ADGRF1: variants seen among roughly 807,000 people sequenced by gnomAD.
The protein encoded by ADGRF1 is adhesion G protein-coupled receptor F1.
ADGRF1 carries 85 observed loss-of-function variants against 87.2 expected under a neutral mutation model. The observed-to-expected ratio is 0.97, with a 90% CI of 0.82 to 1.17. The LOEUF (loss-of-function observed/expected upper bound fraction) is 1.17. Among genes scored for constraint, ADGRF1 ranks in the 50% most tolerant of loss-of-function variants. The probability of loss-of-function intolerance (pLI) is 0.00; values close to 1 mark genes in which losing one functional copy is unlikely to be tolerated. For synonymous variants in ADGRF1, 430 were observed against 408.8 expected (o/e 1.05, Z -0.63); for missense variants, 1,169 against 1,077.2 (o/e 1.09, Z -1.19).
At position 47,020,063 on chromosome 6, in the gene ADGRF1, G is replaced by A. The variant is rs374390132; in HGVS notation, c.611+668C>T. The A allele has an allele frequency of 6.1e-5, 61 of 1,000,414 alleles. No homozygotes were observed. In the African/African-American group the frequency reaches 6.9e-4, roughly 11 times the overall value. 62.0% of individuals were successfully genotyped at this position (1,000,414 alleles called of 1,614,324 possible). A position where few individuals can be genotyped will look rare whatever the true frequency, so the allele number is the denominator to read the frequency against. ...GAGAAAATCCACCCTTCGACAACCC[G>A]CAACCCTTATCCCCAACCCTCACTT... On this transcript the variant is annotated intron_variant, in intron 7 of 14. Coordinates refer to ENST00000371253, the MANE Select transcript of ADGRF1 (RefSeq NM_153840.4).
chr6:47,006,222 G>A (rs1369859157), intron 12 of ADGRF1, among the ~76,000 whole-genome samples: 1 of 152,072 alleles, frequency 6.6e-6, no homozygotes, highest in Non-Finnish European at 1.5e-5. Context: ...ATTAAGAACA[G>A]CAAATTGCTT....
rs756336173 is a variant in ADGRF1, at chr6:47,010,027, G to A, written c.1408C>T (p.Gln470Ter). The change falls in exon 11 of 15, where the codon CAA becomes TAA. Residue 470 changes from glutamine (Q) to a stop codon, truncating the protein, a stop_gained. Coordinates refer to ENST00000371253, the MANE Select transcript of ADGRF1 (RefSeq NM_153840.4). LOFTEE classifies it high-confidence loss of function. ...IRGRVLIGSD[Q>*]FQRSLPETII... The stretch of plus-strand genomic sequence containing the variant: ...GTTTCTGGAAGGGATCTCTGGAATT[G>A]GTCTGACCCAATTAACACACGGCCT... The A allele has an allele frequency of 6.2e-7, 1 of 1,614,084 alleles. No individual in the cohort carries two copies. Among genetic ancestry groups the A allele is most frequent in the Non-Finnish European group, 8.5e-7 (1 of 1,180,006 alleles).
chr6:47,037,639 G>T (rs912938022), intron 1 of ADGRF1, among the ~76,000 whole-genome samples: 1 of 151,836 alleles, frequency 6.6e-6, no homozygotes, highest in African/African-American at 2.4e-5. Flanking sequence ...TGGGTGGCTG[G>T]GACTATAGGC....
chr6:47,033,569 TG>T (rs142147906), intron 1 of ADGRF1, among the ~76,000 whole-genome samples: 137 of 152,392 alleles, frequency 9.0e-4, no homozygotes, highest in East Asian at 7.7e-4. Context: ...CCAGTAGAGC[TG>T]TCTCTTTCCT....
chr6:47,012,949 C>A (rs1479745333), intron 9 of ADGRF1: 3 of 604,094 alleles, frequency 5.0e-6, no homozygotes, highest in Non-Finnish European at 6.2e-6. Context: ...GTTTTTGTAT[C>A]CTTAGTAGAA....
In ADGRF1 at chr6:47,005,612, C is replaced by A. The variant is rs560803821; in HGVS notation, c.2592+205G>T. On this transcript the variant is annotated intron_variant, in intron 13 of 14. Coordinates refer to ENST00000371253, the MANE Select transcript of ADGRF1 (RefSeq NM_153840.4). ...GCATCCTTGTAAGTTTCCATGACTT[C>A]ACAGTCACTCATTTAATCACTCATT... Among the ~76,000 whole-genome samples, 11 of 152,314 alleles carry A rather than the reference C, an allele frequency of 7.2e-5. No homozygotes were observed. The South Asian group carries it at 2.3e-3, about 32-fold the overall frequency.
intron 6 of ADGRF1, 75 bp from the exon 7 acceptor site, chr6:47,020,864 T>C (rs1379526546): frequency 1.1e-5 from 12 of 1,113,222 alleles, no homozygotes; most frequent in African/African-American, 3.1e-5. Flanking sequence ...CAAAAATTGA[T>C]ACAGACAATA....
intron 14 of ADGRF1, among the ~76,000 whole-genome samples, 164 bp downstream of exon 14, chr6:47,001,337 G>A (rs1329703062): frequency 1.3e-5 from 2 of 152,212 alleles, no homozygotes; most frequent in Non-Finnish European, 1.5e-5. Context: ...ACATTGTTCT[G>A]TCAGCCCTGA....
In ADGRF1 at chr6:47,008,900, T is replaced by C. The variant is rs140000486; in HGVS notation, c.2490+45A>G. 214 of 1,516,224 alleles carry C rather than the reference T, an allele frequency of 1.4e-4. 1 individual carries two copies. The East Asian group carries it at 4.8e-3, about 34-fold the overall frequency. The allele number at this position is 1,516,224 out of a possible 1,614,324, so 93.9% of individuals were successfully genotyped here. On this transcript the variant is annotated intron_variant, in intron 11 of 14. Transcript: ENST00000371253. ...TTTACCTGCCTGAGTTCTCTACTTATTCCAATCACTTGACAATACAATAGG... is the reference window on the plus strand; with the variant it reads ...TTTACCTGCCTGAGTTCTCTACTTACTCCAATCACTTGACAATACAATAGG...
chr6:47,024,181 C>A lies in ADGRF1; in HGVS notation c.314G>T (p.Cys105Phe), dbSNP rs1369330029. 1 of 1,614,110 alleles carries A rather than the reference C, an allele frequency of 6.2e-7. No homozygotes were observed. Among genetic ancestry groups the A allele is most frequent in the South Asian group, 1.1e-5 (1 of 91,074 alleles). Residue 105 changes from cysteine to phenylalanine, a missense_variant, in exon 5 of 15, where the codon TGT becomes TTT. Coordinates refer to ENST00000371253, the MANE Select transcript of ADGRF1 (RefSeq NM_153840.4). ...AGGAAACCAGGTGTAGCTGTCTTCACAGGTACACTGCAGGACTCCATTCAG... is the reference window on the plus strand; with the variant it reads ...AGGAAACCAGGTGTAGCTGTCTTCAAAGGTACACTGCAGGACTCCATTCAG... Reference protein sequence around the residue: ...NSLNGVLQCTCEDSYTWFPPS... With the variant: ...NSLNGVLQCTFEDSYTWFPPS...
At position 47,016,739 on chromosome 6, in the gene ADGRF1, A is replaced by T; in HGVS notation, c.641T>A (p.Val214Asp). 1 of 1,596,786 alleles carries T rather than the reference A, an allele frequency of 6.3e-7. No homozygotes were observed. The highest frequency in any genetic ancestry group is 8.6e-7 in the Non-Finnish European group (1 of 1,168,138). Residue 214 changes from valine (V) to aspartate (D), a missense_variant, in exon 8 of 15, where the codon GTT becomes GAT. Transcript: ENST00000371253. ...RNGSIVAGYE[V>D]VGSSSASELL... ...TTCAGATGCACTGCTGGAGCCAACA[A>T]CTTCATACCCAGCAACGATGCTTCC...
intron 1 of ADGRF1, among the ~76,000 whole-genome samples, chr6:47,037,156 T>TAAA (rs1554137853): frequency 6.6e-6 from 1 of 152,232 alleles, no homozygotes; most frequent in African/African-American, 2.4e-5. Flanking sequence ...AGTATCTTTT[T>TAAA]AATGTTCCCA....
rs774703415 is a variant in ADGRF1 at position 47,009,010 on chromosome 6, C to T, written c.2425G>A (p.Gly809Arg). The T allele has an allele frequency of 1.5e-4, 244 of 1,613,790 alleles. No individual in the cohort carries two copies. The highest frequency in any genetic ancestry group is 6.8e-4 in the Admixed American group (41 of 59,970). Residue 809 changes from glycine (G) to arginine (R), a missense_variant, in exon 11 of 15, where the codon GGA (glycine) becomes AGA (arginine). Physicochemically the swap from Gly to Arg is moderately radical, Grantham distance 125 (BLOSUM62 -2). Transcript: ENST00000371253. The stretch of plus-strand genomic sequence containing the variant: ...AGATTCTGGCTGTCCACTATTGTTC[C>T]TATTCCAAAGCCCCAGGTGAGCCCT... Reference protein sequence around the residue: ...LLGLTWGFGIGTIVDSQNLAW... With the variant: ...LLGLTWGFGIRTIVDSQNLAW...
At chr6:47,041,355 A>T (rs960303708) in intron 1 of ADGRF1, among the ~76,000 whole-genome samples, 1 of 152,150 alleles carries the variant, frequency 6.6e-6, no homozygotes, top group African/African-American at 2.4e-5. Flanking sequence ...CAGCCCATGA[A>T]TGCTATTATC....
At chr6:47,032,128 G>T (rs1441793593) in intron 1 of ADGRF1, among the ~76,000 whole-genome samples, 3 of 152,118 alleles carry the variant, frequency 2.0e-5, no homozygotes, top group African/African-American at 7.2e-5. Flanking sequence ...GCGGCTGAGG[G>T]AGAGGTTGTG....
intron 1 of ADGRF1, among the ~76,000 whole-genome samples, chr6:47,038,519 G>A (rs1027629390): frequency 1.4e-4 from 22 of 152,226 alleles, no homozygotes; most frequent in Admixed American, 1.2e-3. Flanking sequence ...TTTGATATAT[G>A]TGATATACAG....
chr6:47,019,488 C>A, intron 7 of ADGRF1: 4 of 454,304 alleles, frequency 8.8e-6, no homozygotes, highest in Non-Finnish European at 1.2e-5. Flanking sequence ...TCGAGACCAT[C>A]CTGGCTAACA....
intron 1 of ADGRF1, among the ~76,000 whole-genome samples, chr6:47,040,092 TC>T (rs771275183): frequency 3.4e-4 from 52 of 152,174 alleles, no homozygotes; most frequent in Non-Finnish European, 6.5e-4. Flanking sequence ...TTTAGGAAAA[TC>T]CCAAGACATA....
chr6:47,036,031 G>A (rs1393976327), intron 1 of ADGRF1, among the ~76,000 whole-genome samples: 1 of 152,130 alleles, frequency 6.6e-6, no homozygotes, highest in Admixed American at 6.5e-5. Context: ...AGGAGTTCGA[G>A]ACCAGCCTGG....
Sources: allele counts gnomAD v4.1 joint callset (sites outside exome capture counted in the v4.1 genomes callset), GRCh38; gene constraint gnomAD v4.1.1; transcripts MANE v1.5; gene names NCBI Gene and HGNC (gene_info 2026-07-23, HGNC 2026-07-21).